INPP5A: variants seen among roughly 807,000 people sequenced by gnomAD.
The protein encoded by INPP5A is 43 kDa inositol polyphosphate 5-phophatase.
Under a neutral mutation model 65.2 loss-of-function variants are expected in INPP5A, and 14 were observed. That is an observed-to-expected ratio of 0.21 (90% confidence interval 0.14 to 0.34). The LOEUF is 0.34. INPP5A is among the 10% of genes least tolerant of loss of function. The pLI is 1.00. For missense variants in INPP5A, 431 were observed against 545.6 expected (o/e 0.79, Z 2.09); for synonymous variants, 207 against 208.3 (o/e 0.99, Z 0.05).
intron 5 of INPP5A, among the ~76,000 whole-genome samples, chr10:132,695,436 C>A (rs1262390039): frequency 6.6e-6 from 1 of 152,210 alleles, no homozygotes; most frequent in Non-Finnish European, 1.5e-5. Flanking sequence ...AGATCAGGAA[C>A]AAGGCAAGGA....
At chr10:132,690,649 C>G (rs943989592) in intron 5 of INPP5A, among the ~76,000 whole-genome samples, 194 bp downstream of exon 5, 2 of 152,058 alleles carry the variant, frequency 1.3e-5, no homozygotes, top group African/African-American at 2.4e-5. Flanking sequence ...CACACTGGCT[C>G]CCTGGCAAGG....
At chr10:132,661,978 C>T (rs927705281) in intron 4 of INPP5A, among the ~76,000 whole-genome samples, 9 of 152,216 alleles carry the variant, frequency 5.9e-5, no homozygotes, top group African/African-American at 1.9e-4. Context: ...AAAAAACTCA[C>T]TTCAATTGTT....
chr10:132,589,853 C>T (rs758392718), intron 1 of INPP5A, among the ~76,000 whole-genome samples: 4 of 152,326 alleles, frequency 2.6e-5, no homozygotes, highest in Non-Finnish European at 4.4e-5. Context: ...TAGGGGGTGA[C>T]GCAGGTTATC....
intron 4 of INPP5A, among the ~76,000 whole-genome samples, chr10:132,661,337 T>G (rs531585006): frequency 6.6e-6 from 1 of 152,366 alleles, no homozygotes; most frequent in East Asian, 1.9e-4. Flanking sequence ...ATTTTGATTA[T>G]GTCTTCAGAA....
intron 2 of INPP5A, among the ~76,000 whole-genome samples, chr10:132,614,118 C>T (rs2071997666): frequency 6.6e-6 from 1 of 152,162 alleles, no homozygotes; most frequent in African/African-American, 2.4e-5. Context: ...AGATTAGGTC[C>T]AGAACTCAGC....
chr10:132,550,093 C>G lies in INPP5A; in HGVS notation c.75+11922C>G, dbSNP rs548877392. On this transcript the variant is annotated intron_variant, in intron 1 of 15. Transcript: ENST00000368594. This position sits in a 1 kb window ranked among gnomAD's most constrained non-coding sequence, Gnocchi z 4.2. Reference sequence around the variant, plus strand: ...GGGCATTAGGGGATGGGGTCAGCCTCGAGTTACTAACCGGGCATTAGGGGA... The same window carrying G: ...GGGCATTAGGGGATGGGGTCAGCCTGGAGTTACTAACCGGGCATTAGGGGA... 6.7e-6 allele frequency among the ~76,000 whole-genome samples: 1 copy of G among 150,306 alleles called. No individual in the cohort carries two copies. Among genetic ancestry groups the G allele is most frequent in the South Asian group, 2.1e-4 (1 of 4,712 alleles).
chr10:132,757,462 T>C (rs1471510713), intron 11 of INPP5A, among the ~76,000 whole-genome samples: 1 of 152,230 alleles, frequency 6.6e-6, no homozygotes, highest in Non-Finnish European at 1.5e-5. Context: ...GTCGGTGGCC[T>C]GCTGTGCGGG....
Position 132,627,639 on chromosome 10 carries a change from C to T in INPP5A, c.118-18229C>T, listed in dbSNP as rs1010095304. Among the ~76,000 whole-genome samples the T allele has an allele frequency of 1.3e-5, 2 of 152,124 alleles. No individual in the cohort carries two copies. The highest frequency in any genetic ancestry group is 2.1e-4 in the South Asian group (1 of 4,816). ...GCCGAAAAAGACACCTTCCAGGAATCGTGGTGAAAGCAGCGAGCACAGTGT... is the reference window on the plus strand; with the variant it reads ...GCCGAAAAAGACACCTTCCAGGAATTGTGGTGAAAGCAGCGAGCACAGTGT... On this transcript the variant is annotated intron_variant, in intron 2 of 15. Coordinates refer to ENST00000368594, the MANE Select transcript of INPP5A (RefSeq NM_005539.5). The surrounding 1 kb of genome is among the most constrained non-coding windows in gnomAD (Gnocchi z 6.6).
chr10:132,580,388 C>G (rs546479044), intron 1 of INPP5A, among the ~76,000 whole-genome samples: 1 of 152,284 alleles, frequency 6.6e-6, no homozygotes, highest in African/African-American at 2.4e-5. Context: ...CATGGTAAGG[C>G]GTGCTTTCTT....
rs1590940173 is a variant in INPP5A, at chr10:132,705,662, G to A, written c.475-2651G>A. On this transcript the variant is annotated intron_variant, in intron 6 of 15. Coordinates refer to ENST00000368594, the MANE Select transcript of INPP5A (RefSeq NM_005539.5). This position sits in a 1 kb window ranked among gnomAD's most constrained non-coding sequence, Gnocchi z 4.9. ...AAGCCTATTACTTCTTTAAAAGTCT[G>A]CTTACCTGGGGCCCGGGACTTTACA... is the stretch of plus-strand genomic sequence containing the variant. Among the ~76,000 whole-genome samples, 1 of 152,344 alleles carries A rather than the reference G, an allele frequency of 6.6e-6. No homozygotes were observed. Among genetic ancestry groups the A allele is most frequent in the African/African-American group, 2.4e-5 (1 of 41,562 alleles).
intron 12 of INPP5A, 40 bp downstream of exon 12, chr10:132,765,886 A>G: frequency 1.6e-6 from 2 of 1,227,788 alleles, no homozygotes; most frequent in Non-Finnish European, 2.4e-6. Context: ...CCGGCCGGGA[A>G]GGTGGCGTCT....
chr10:132,685,246 T>C (rs2073100204), intron 4 of INPP5A, among the ~76,000 whole-genome samples: 1 of 152,192 alleles, frequency 6.6e-6, no homozygotes, highest in African/African-American at 2.4e-5. Flanking sequence ...CAACACTTTT[T>C]CCCTTCCCAG....
chr10:132,712,826 G>C (rs999302842), intron 8 of INPP5A, among the ~76,000 whole-genome samples: 1 of 151,662 alleles, frequency 6.6e-6, no homozygotes, highest in Non-Finnish European at 1.5e-5. Context: ...GTGGGGCCTC[G>C]TGTGGGTGCA....
At chr10:132,760,342 C>T (rs772730817) in intron 11 of INPP5A, among the ~76,000 whole-genome samples, 2 of 152,214 alleles carry the variant, frequency 1.3e-5, no homozygotes, top group Non-Finnish European at 2.9e-5. Context: ...CAGGGTCGGA[C>T]GCTGTGCCGC....
At position 132,650,499 on chromosome 10, in the gene INPP5A, C is replaced by T. The variant is rs1201611020; in HGVS notation, c.300C>T (p.His100=). The change falls in exon 4 of 16, where the codon CAC becomes CAT. Residue 100 remains histidine (H), a synonymous_variant. Transcript: ENST00000368594. This position sits in a 1 kb window ranked among gnomAD's most constrained non-coding sequence, Gnocchi z 5.5. ...YLDENYKSQE[H]FTALGSFYFL... is the part of the protein sequence containing the mutation. ...ATGAAAACTACAAATCCCAGGAGCA[C>T]TTCACGGTGAGTCCCTCCCGCTGCC... 1.2e-6 allele frequency: 2 copies of T among 1,611,690 alleles called. No homozygotes were observed. Among genetic ancestry groups the T allele is most frequent in the Non-Finnish European group, 8.5e-7 (1 of 1,178,250 alleles).
At chr10:132,646,069 G>A (rs569419120) in intron 3 of INPP5A, 101 bp downstream of exon 3, 19 of 756,930 alleles carry the variant, frequency 2.5e-5, no homozygotes, top group Middle Eastern at 2.3e-4. Context: ...CTCACCATTC[G>A]GGACTCACCT....
chr10:132,642,731 C>T (rs557567762), intron 2 of INPP5A, among the ~76,000 whole-genome samples: 61 of 152,198 alleles, frequency 4.0e-4, no homozygotes, highest in African/African-American at 1.4e-3. Context: ...TTAGTGGGAC[C>T]GTTTGTCAAT....
At position 132,762,756 on chromosome 10, in the gene INPP5A, C is replaced by T. The variant is rs753539427; in HGVS notation, c.904-3017C>T. Among the ~76,000 whole-genome samples the T allele has an allele frequency of 1.1e-4, 17 of 152,120 alleles. No individual in the cohort carries two copies. Among genetic ancestry groups the T allele is most frequent in the South Asian group, 1.0e-3 (5 of 4,802 alleles). On this transcript the variant is annotated intron_variant, in intron 11 of 15. Coordinates refer to ENST00000368594, the MANE Select transcript of INPP5A (RefSeq NM_005539.5). The surrounding 1 kb of genome is among the most constrained non-coding windows in gnomAD (Gnocchi z 4.6). ...GGCACGGTAGAACACTTGGGGAGGC[C>T]GAGGCAGGAGGATTGCTTGAGGCCA...
intron 1 of INPP5A, among the ~76,000 whole-genome samples, chr10:132,579,488 A>G (rs1426501950): frequency 6.6e-6 from 1 of 152,122 alleles, no homozygotes; most frequent in East Asian, 1.9e-4. Context: ...GCCGGAGCCA[A>G]GGAGTGGACT....
Sources: allele counts gnomAD v4.1 joint callset (sites outside exome capture counted in the v4.1 genomes callset), GRCh38; gene constraint gnomAD v4.1.1; non-coding constraint Gnocchi (gnomAD v3.1); transcripts MANE v1.5; gene names NCBI Gene and HGNC (gene_info 2026-07-23, HGNC 2026-07-21).